MITF: variants seen among roughly 807,000 people sequenced by gnomAD.
MITF encodes melanocyte inducing transcription factor, also known as microphthalmia-associated transcription factor.
MITF carries 17 observed loss-of-function variants against 60.5 expected under a neutral mutation model. That is an observed-to-expected ratio of 0.28 (90% CI 0.19 to 0.42). MITF has a LOEUF of 0.42. Ranked by LOEUF, MITF falls within the 10% of genes least tolerant of loss-of-function variation. The pLI is 1.00. For missense variants in MITF, 622 were observed against 683.5 expected (o/e 0.91, Z 1.00); for synonymous variants, 260 against 248.5 (o/e 1.05, Z -0.43).
chr3:69,813,497 T>A (rs1332984393), intron 1 of MITF, among the ~76,000 whole-genome samples: 5 of 152,226 alleles, frequency 3.3e-5, no homozygotes, highest in African/African-American at 1.2e-4. Flanking sequence ...CTAGGCCAAC[T>A]TTCCTTGCAT....
At chr3:69,754,266 G>A (rs565118923) in intron 1 of MITF, among the ~76,000 whole-genome samples, 1 of 151,858 alleles carries the variant, frequency 6.6e-6, no homozygotes, top group East Asian at 1.9e-4. Context: ...ACCCAGGCTG[G>A]AGTGCAGTGG....
At chr3:69,834,086 C>T (rs371775937) in intron 1 of MITF, among the ~76,000 whole-genome samples, 2 of 152,050 alleles carry the variant, frequency 1.3e-5, no homozygotes, top group East Asian at 1.9e-4. Flanking sequence ...TGTTTTGACA[C>T]GTGTGTGTTG....
intron 4 of MITF, 84 bp from the exon 5 acceptor site, chr3:69,941,152 A>G (rs1436235081): frequency 8.1e-6 from 7 of 863,976 alleles, no homozygotes; most frequent in South Asian, 1.5e-5. Context: ...TGCTTTGGGT[A>G]AAAAAAGACC....
At chr3:69,764,246 T>C (rs1411718759) in intron 1 of MITF, among the ~76,000 whole-genome samples, 2 of 152,236 alleles carry the variant, frequency 1.3e-5, no homozygotes, top group East Asian at 3.9e-4. Flanking sequence ...GCATTAATTT[T>C]CCACATTTCC....
chr3:69,745,314 T>A (rs1356665227), intron 1 of MITF, among the ~76,000 whole-genome samples: 2 of 152,122 alleles, frequency 1.3e-5, no homozygotes, highest in African/African-American at 4.8e-5. Flanking sequence ...CCTGGTTGAT[T>A]GTGCAAAATT....
At chr3:69,854,819 C>T (rs2063888435) in intron 1 of MITF, among the ~76,000 whole-genome samples, 2 of 152,184 alleles carry the variant, frequency 1.3e-5, no homozygotes, top group South Asian at 4.1e-4. Context: ...AAAAATGTCT[C>T]TAGACCTGTC....
chr3:69,739,838 T>A, intron 1 of MITF, 137 bp downstream of exon 1: 2 of 668,826 alleles, frequency 3.0e-6, no homozygotes, highest in South Asian at 3.6e-5. Context: ...GAGGGCGAAC[T>A]GCCCCTCGCA....
intron 1 of MITF, among the ~76,000 whole-genome samples, chr3:69,809,903 CT>C (rs1343436813): frequency 6.6e-6 from 1 of 152,160 alleles, no homozygotes; most frequent in Non-Finnish European, 1.5e-5. Context: ...CGTCTCTCTT[CT>C]TTTGCTTCTC....
At chr3:69,926,126 A>G (rs561972855) in intron 2 of MITF, among the ~76,000 whole-genome samples, 51 of 152,306 alleles carry the variant, frequency 3.3e-4, no homozygotes, top group African/African-American at 1.1e-3. Flanking sequence ...AGCACAGTGC[A>G]TGCCCCAGTC....
intron 1 of MITF, among the ~76,000 whole-genome samples, chr3:69,768,259 A>G (rs1196311720): frequency 6.6e-6 from 1 of 152,184 alleles, no homozygotes; most frequent in Non-Finnish European, 1.5e-5. Flanking sequence ...ATTTTGGAGG[A>G]TAAAGTTAGA....
At chr3:69,959,135 G>A (rs1007406071) in intron 8 of MITF, 138 bp from the exon 9 acceptor site, 273 of 1,015,072 alleles carry the variant, frequency 2.7e-4, no homozygotes, top group Non-Finnish European at 6.4e-5. Context: ...ATGTAACCAA[G>A]CACCACCTGT....
intron 1 of MITF, among the ~76,000 whole-genome samples, chr3:69,745,990 A>T (rs1703711186): frequency 6.6e-6 from 1 of 152,220 alleles, no homozygotes; most frequent in Admixed American, 6.5e-5. Context: ...CCTTCTCTTA[A>T]GAATAACTAA....
intron 3 of MITF, chr3:69,938,656 C>T: frequency 1.5e-6 from 2 of 1,331,022 alleles, no homozygotes; most frequent in Non-Finnish European, 1.9e-6. Context: ...GGAAACAAGA[C>T]TCAAACTACC....
At chr3:69,934,624 G>A (rs1287887261) in intron 2 of MITF, among the ~76,000 whole-genome samples, 1 of 152,132 alleles carries the variant, frequency 6.6e-6, no homozygotes, top group Non-Finnish European at 1.5e-5. Context: ...AAGGTACACG[G>A]GTTGTTAAGT....
At chr3:69,875,659 A>C (rs921561281) in intron 1 of MITF, among the ~76,000 whole-genome samples, 3 of 152,258 alleles carry the variant, frequency 2.0e-5, no homozygotes, top group African/African-American at 7.2e-5. Context: ...TTAAAAAATA[A>C]GCATTGTTGC....
intron 2 of MITF, among the ~76,000 whole-genome samples, chr3:69,883,505 G>A (rs1252345761): frequency 6.6e-6 from 1 of 152,184 alleles, no homozygotes; most frequent in Non-Finnish European, 1.5e-5. Context: ...TCTGCATGGA[G>A]TAGAATTTTC....
chr3:69,781,482 C>T (rs866965018), intron 1 of MITF, among the ~76,000 whole-genome samples: 8 of 152,108 alleles, frequency 5.3e-5, no homozygotes, highest in East Asian at 1.9e-4. Flanking sequence ...ATTGTAAAGA[C>T]GACACCAGCG....
intron 9 of MITF, among the ~76,000 whole-genome samples, chr3:69,963,450 C>G (rs909266739): frequency 6.6e-6 from 1 of 152,188 alleles, no homozygotes; most frequent in Non-Finnish European, 1.5e-5. Context: ...AATACCTACT[C>G]TTTTTGTTAG....
rs769340810 is a variant in MITF, at chr3:69,937,978, C to T, written c.511C>T (p.Pro171Ser). The T allele has an allele frequency of 1.2e-6, 2 of 1,614,192 alleles. No individual in the cohort carries two copies. Among genetic ancestry groups the T allele is most frequent in the South Asian group, 2.2e-5 (2 of 91,090 alleles). ...CCAGCCTGGCGATCATGTCATGCCA[C>T]CGGTGCCGGGGAGCAGCGCACCCAA... ...PNQPGDHVMP[P>S]VPGSSAPNSP... The change falls in exon 3 of 10, where the codon CCG becomes TCG. Residue 171 changes from proline (P) to serine (S), a missense_variant. Pro to Ser is a moderately conservative substitution (Grantham distance 74, BLOSUM62 -1). Transcript: ENST00000352241.
Sources: gnomAD v4.1 joint callset for allele counts (sites outside exome capture counted in the v4.1 genomes callset) on GRCh38, gnomAD v4.1.1 for gene constraint, MANE v1.5 for transcripts, NCBI Gene and HGNC (gene_info 2026-07-23, HGNC 2026-07-21) for gene names.